TRPS1: variants seen among roughly 807,000 people sequenced by gnomAD.
TRPS1 encodes the protein transcriptional repressor GATA binding 1, also known as zinc finger transcription factor Trps1.
TRPS1 carries 6 observed loss-of-function variants against 101.2 expected under a neutral mutation model. The observed-to-expected ratio is 0.06, with a 90% CI of 0.03 to 0.12. The LOEUF (loss-of-function observed/expected upper bound fraction) is 0.12, where lower values mean the gene tolerates loss of function less well. Among genes scored for constraint, TRPS1 ranks in the 10% least tolerant of loss-of-function variants. The pLI, the probability that TRPS1 is intolerant of heterozygous loss-of-function variation, is 1.00. For missense variants in TRPS1, 1,363 were observed against 1,567.0 expected, an observed-to-expected ratio of 0.87 and a Z score of 2.20; for synonymous variants, 578 against 589.8, an observed-to-expected ratio of 0.98 and a Z score of 0.29.
At chr8:115,492,443 T>C (rs1212223033) in intron 5 of TRPS1, among the ~76,000 whole-genome samples, 1 of 146,712 alleles carries the variant, frequency 6.8e-6, no homozygotes, top group African/African-American at 2.5e-5. Context: ...TTGTTATTTA[T>C]TGGGTGCCAA....
In TRPS1 at chr8:115,409,838, T is replaced by C. The variant is rs138185545; in HGVS notation, c.*4185A>G. 1 of 152,622 alleles carries C rather than the reference T, an allele frequency of 6.6e-6. No homozygotes were observed. The highest frequency in any genetic ancestry group is 2.4e-5 in the African/African-American group (1 of 41,558). 9.5% of individuals were successfully genotyped at this position (152,622 alleles called of 1,614,324 possible). On this transcript the variant is annotated 3_prime_UTR_variant, in exon 7 of 7. Transcript: ENST00000395715. ...GTTTGATACTCAGGTTGCATTTCAA[T>C]TCCTCAATTTTCTCTTGTGCCTTGG...
At chr8:115,441,249 T>C (rs945871857) in intron 5 of TRPS1, among the ~76,000 whole-genome samples, 5 of 152,224 alleles carry the variant, frequency 3.3e-5, no homozygotes, top group Admixed American at 2.6e-4. Context: ...GCCAGATAAC[T>C]AGGTTAATTC....
intron 5 of TRPS1, among the ~76,000 whole-genome samples, chr8:115,473,088 A>G (rs2200218): frequency 0.68 from 103,209 of 152,052 alleles, 36,504 homozygotes; most frequent in African/African-American, 0.87. Context: ...CACATTTTTC[A>G]GTGTCTTTAC....
At chr8:115,615,327 G>T (rs1177182011) in intron 3 of TRPS1, among the ~76,000 whole-genome samples, 1 of 152,126 alleles carries the variant, frequency 6.6e-6, no homozygotes, top group Non-Finnish European at 1.5e-5. Context: ...TTTATAACCT[G>T]ATCTGAGGGC....
At chr8:115,646,216 C>A (rs992213512) in intron 1 of TRPS1, among the ~76,000 whole-genome samples, 2 of 152,112 alleles carry the variant, frequency 1.3e-5, no homozygotes, top group Admixed American at 1.3e-4. Context: ...ATTCTTCCCC[C>A]CAAAACCTGT....
chr8:115,663,755 A>C (rs1269062859), intron 1 of TRPS1, among the ~76,000 whole-genome samples: 1 of 151,398 alleles, frequency 6.6e-6, no homozygotes, highest in Non-Finnish European at 1.5e-5. Context: ...TGGGATAGCA[A>C]AAAGTAGACC....
chr8:115,431,901 T>C (rs1813327452), intron 5 of TRPS1, among the ~76,000 whole-genome samples: 1 of 152,052 alleles, frequency 6.6e-6, no homozygotes, highest in Admixed American at 6.6e-5. Context: ...CATTTGGAAT[T>C]TGACTAACAT....
intron 5 of TRPS1, among the ~76,000 whole-genome samples, chr8:115,513,355 T>G (rs965808629): frequency 6.6e-6 from 1 of 151,646 alleles, no homozygotes; most frequent in Non-Finnish European, 1.5e-5. Context: ...GCACCATATT[T>G]GGTTCTTCCA....
intron 5 of TRPS1, among the ~76,000 whole-genome samples, chr8:115,575,458 T>C (rs1329339984): frequency 6.6e-6 from 1 of 152,164 alleles, no homozygotes; most frequent in East Asian, 1.9e-4. Context: ...CAGAAGTAAA[T>C]ACATTAAAAA....
intron 5 of TRPS1, among the ~76,000 whole-genome samples, chr8:115,425,011 C>A (rs924768366): frequency 6.6e-6 from 1 of 152,110 alleles, no homozygotes; most frequent in Non-Finnish European, 1.5e-5. Flanking sequence ...CACCAGTAGA[C>A]CCTATGGAAT....
chr8:115,482,952 A>G (rs570202772), intron 5 of TRPS1, among the ~76,000 whole-genome samples: 4 of 152,336 alleles, frequency 2.6e-5, no homozygotes, highest in East Asian at 3.9e-4. Flanking sequence ...TTTAGTAATA[A>G]GCAGTAGCAA....
intron 5 of TRPS1, among the ~76,000 whole-genome samples, chr8:115,463,705 T>G (rs1814247339): frequency 6.6e-6 from 1 of 152,148 alleles, no homozygotes; most frequent in Non-Finnish European, 1.5e-5. Context: ...TTTTTAATTT[T>G]AAAACAAATT....
At chr8:115,460,289 G>C (rs1228985996) in intron 5 of TRPS1, among the ~76,000 whole-genome samples, 2 of 151,626 alleles carry the variant, frequency 1.3e-5, no homozygotes, top group Non-Finnish European at 2.9e-5. Context: ...TAGTATTTTA[G>C]TTTACCCAGT....
At chr8:115,544,287 G>C (rs1476907777) in intron 5 of TRPS1, among the ~76,000 whole-genome samples, 1 of 151,454 alleles carries the variant, frequency 6.6e-6, no homozygotes, top group Non-Finnish European at 1.5e-5. Flanking sequence ...GGGAGTTATA[G>C]TATCTATCTC....
At chr8:115,556,406 C>A (rs540572029) in intron 5 of TRPS1, among the ~76,000 whole-genome samples, 2 of 152,216 alleles carry the variant, frequency 1.3e-5, no homozygotes, top group African/African-American at 2.4e-5. Flanking sequence ...GCCTGCATAT[C>A]CTCCATCCAA....
At chr8:115,650,093 A>G (rs1260221464) in intron 1 of TRPS1, among the ~76,000 whole-genome samples, 1 of 152,172 alleles carries the variant, frequency 6.6e-6, no homozygotes, top group Non-Finnish European at 1.5e-5. Flanking sequence ...CTTTCAACCA[A>G]AAGTATGCAC....
intron 3 of TRPS1, among the ~76,000 whole-genome samples, chr8:115,616,041 A>G (rs1484975109): frequency 6.6e-6 from 1 of 151,540 alleles, no homozygotes; most frequent in Non-Finnish European, 1.5e-5. Context: ...TTTTCTTGGT[A>G]AAGAATTTAC....
chr8:115,566,420 G>A (rs1817068961), intron 5 of TRPS1, among the ~76,000 whole-genome samples: 1 of 152,104 alleles, frequency 6.6e-6, no homozygotes, highest in Non-Finnish European at 1.5e-5. Context: ...CTAGAACCTT[G>A]CTAGTGAGCT....
intron 5 of TRPS1, among the ~76,000 whole-genome samples, chr8:115,558,403 G>C (rs6469597): frequency 2.0e-5 from 3 of 151,980 alleles, no homozygotes; most frequent in African/African-American, 7.2e-5. Flanking sequence ...ATGGCCAGTC[G>C]AGGCTTAAGC....
Sources: gnomAD v4.1 joint callset for allele counts (sites outside exome capture counted in the v4.1 genomes callset) on GRCh38, gnomAD v4.1.1 for gene constraint, MANE v1.5 for transcripts, NCBI Gene and HGNC (gene_info 2026-07-23, HGNC 2026-07-21) for gene names.